CDH26: variants seen among roughly 807,000 people sequenced by gnomAD.
The protein encoded by CDH26 is cadherin-like protein 26.
A neutral mutation model predicts 90.3 loss-of-function variants in CDH26; 83 were observed. The ratio of observed to expected loss-of-function variants is 0.92; its 90% CI spans 0.77 to 1.10. CDH26 has a LOEUF of 1.10. CDH26 is among the 50% of genes least tolerant of loss of function. CDH26 has a pLI of 0.00. For missense variants in CDH26, 1,013 were observed against 1,037.6 expected (o/e 0.98, Z 0.33); for synonymous variants, 397 against 396.3 (o/e 1.00, Z -0.02).
chr20:59,967,931 TTC>T, intron 1 of CDH26, among the ~76,000 whole-genome samples: 1 of 132,736 alleles, frequency 7.5e-6, no homozygotes, highest in African/African-American at 3.2e-5. Context: ...TTCCTTTCCT[TTC>T]CCTTTCTTTC....
At chr20:59,978,094 A>G (rs575868389) in intron 4 of CDH26, among the ~76,000 whole-genome samples, 5 of 152,116 alleles carry the variant, frequency 3.3e-5, no homozygotes, top group South Asian at 2.1e-4. Flanking sequence ...TTTTCATTGT[A>G]TAATATTCTA....
intron 17 of CDH26, among the ~76,000 whole-genome samples, chr20:60,009,498 C>T (rs16983389): frequency 0.018 from 2,679 of 152,316 alleles, 98 homozygotes; most frequent in African/African-American, 0.06. Flanking sequence ...TGGACAGTAT[C>T]GCAGGTCCTG....
chr20:60,010,291 C>T (rs1329884023), intron 17 of CDH26, among the ~76,000 whole-genome samples: 1 of 152,146 alleles, frequency 6.6e-6, no homozygotes, highest in Non-Finnish European at 1.5e-5. Context: ...TCCAGGCCCT[C>T]CCCACCTCCC....
intron 16 of CDH26, among the ~76,000 whole-genome samples, chr20:60,006,393 G>A (rs933264733): frequency 2.0e-5 from 3 of 152,238 alleles, no homozygotes; most frequent in African/African-American, 7.2e-5. Context: ...GAGGGGCAGT[G>A]TAGTTGAGGG....
chr20:59,999,988 C>T (rs2061654785), intron 14 of CDH26, among the ~76,000 whole-genome samples: 1 of 152,130 alleles, frequency 6.6e-6, no homozygotes. Flanking sequence ...ACACTTTTTT[C>T]TTAAAATGGG....
chr20:59,986,640 C>T (rs1389888500), intron 7 of CDH26, among the ~76,000 whole-genome samples: 1 of 151,720 alleles, frequency 6.6e-6, no homozygotes, highest in Non-Finnish European at 1.5e-5. Context: ...CACACACACA[C>T]ACACACACAC....
At chr20:60,029,375 A>ATAGTCAACAACGTAGCACCTG (rs2146035188) in intron 7 of CDH26, among the ~76,000 whole-genome samples, 2 of 152,294 alleles carry the variant, frequency 1.3e-5, no homozygotes, top group East Asian at 1.9e-4. Context: ...CGTAGCATCT[A>ATAGTCAACAACGTAGCACCTG]TAGTCAACAA....
At chr20:60,028,490 C>T (rs1361195468) in intron 7 of CDH26, among the ~76,000 whole-genome samples, 1 of 152,162 alleles carries the variant, frequency 6.6e-6, no homozygotes, top group African/African-American at 2.4e-5. Flanking sequence ...AAAGCATTTA[C>T]GTGCCAGTCC....
intron 7 of CDH26, among the ~76,000 whole-genome samples, chr20:60,031,043 T>C (rs1812756): frequency 0.29 from 44,051 of 152,116 alleles, 6,568 homozygotes; most frequent in East Asian, 0.46. Context: ...TATTTCTTGA[T>C]GATATGCTAA....
chr20:59,992,343 A>G lies in CDH26; in HGVS notation c.1284-35A>G. Reference sequence around the variant, plus strand: ...TTTTATCTTTTAATGTAAGTTTTTAATTTTAAAAATTGCTGTCCGTTTTCC... The same window carrying G: ...TTTTATCTTTTAATGTAAGTTTTTAGTTTTAAAAATTGCTGTCCGTTTTCC... On this transcript the variant is annotated intron_variant, in intron 9 of 17. Coordinates refer to ENST00000348616, the MANE Select transcript of CDH26 (RefSeq NM_177980.4). The surrounding 1 kb of genome is among the most constrained non-coding windows in gnomAD (Gnocchi z 5.0). The G allele has an allele frequency of 6.3e-7, 1 of 1,589,306 alleles. No homozygotes were observed. Among genetic ancestry groups the G allele is most frequent in the Non-Finnish European group, 8.5e-7 (1 of 1,170,946 alleles).
chr20:60,021,863 C>CACACACACACACACACACACAT (rs1555903609), intron 7 of CDH26, among the ~76,000 whole-genome samples: 64 of 63,358 alleles, frequency 1.0e-3, no homozygotes, highest in African/African-American at 1.9e-3. Context: ...CACACACACA[C>CACACACACACACACACACACAT]ACACACACAC....
At chr20:59,959,410 A>ATT (rs369592815) in intron 1 of CDH26, among the ~76,000 whole-genome samples, 13 of 142,838 alleles carry the variant, frequency 9.1e-5, no homozygotes, top group South Asian at 4.5e-4. Context: ...AACACACACA[A>ATT]TTTTTTTTTT....
intron 9 of CDH26, among the ~76,000 whole-genome samples, chr20:59,989,743 T>A (rs1452114600): frequency 6.6e-6 from 1 of 152,220 alleles, no homozygotes; most frequent in African/African-American, 2.4e-5. Context: ...TCCTTTTGTA[T>A]TCTTTCCTTT....
chr20:59,968,984 T>A lies in CDH26; in HGVS notation c.87T>A (p.Ser29Arg). The A allele has an allele frequency of 6.3e-7, 1 of 1,579,882 alleles. No homozygotes were observed. Among genetic ancestry groups the A allele is most frequent in the Non-Finnish European group, 8.7e-7 (1 of 1,150,234 alleles). The change falls in exon 2 of 18, where the codon AGT becomes AGA. Residue 29 changes from serine (S) to arginine (R), a missense_variant. By Grantham distance (110) the Ser-to-Arg change is moderately radical. Coordinates refer to ENST00000348616, the MANE Select transcript of CDH26 (RefSeq NM_177980.4). The stretch of plus-strand genomic sequence containing the variant: ...TTTTTAAGGTCAGTATCATTGACAG[T>A]GTTCAACAGGAAACAGATGATCTTA... ...LWLLQVSIIDSVQQETDDLTK... is the reference protein window; with the variant it reads ...LWLLQVSIIDRVQQETDDLTK...
chr20:59,984,850 A>C, intron 6 of CDH26, 45 bp downstream of exon 6: 2 of 1,582,312 alleles, frequency 1.3e-6, no homozygotes, highest in South Asian at 2.3e-5. Context: ...TGTGTGGCCC[A>C]TCCTTGAGCC....
chr20:59,971,941 T>C lies in CDH26; in HGVS notation c.232-21T>C. On this transcript the variant is annotated intron_variant, in intron 3 of 17. Transcript: ENST00000348616. ...TATTCTCATCCTCCTTTTTTCTTCT[T>C]TCCATTTTTCCTCCTTCCAGCTGTT... 1.9e-6 allele frequency: 3 copies of C among 1,599,450 alleles called. No homozygotes were observed. The East Asian group carries it at 6.7e-5, about 36-fold the overall frequency.
intron 9 of CDH26, among the ~76,000 whole-genome samples, chr20:59,990,235 T>C (rs1379168569): frequency 6.6e-6 from 1 of 152,254 alleles, no homozygotes; most frequent in Non-Finnish European, 1.5e-5. Flanking sequence ...TATTGACACA[T>C]TTTTGTTTAC....
intron 3 of CDH26, among the ~76,000 whole-genome samples, chr20:59,971,216 A>G (rs866578062): frequency 6.6e-6 from 1 of 152,278 alleles, no homozygotes; most frequent in East Asian, 1.9e-4. Flanking sequence ...AAACATAAAG[A>G]GTACAGAAAG....
chr20:59,962,635 A>G (rs555260668), intron 1 of CDH26, among the ~76,000 whole-genome samples: 25 of 152,318 alleles, frequency 1.6e-4, no homozygotes, highest in African/African-American at 5.8e-4. Context: ...GGTCCCGTTC[A>G]CAGGTACTGG....
Sources: allele counts gnomAD v4.1 joint callset (sites outside exome capture counted in the v4.1 genomes callset), GRCh38; gene constraint gnomAD v4.1.1; non-coding constraint Gnocchi (gnomAD v3.1); transcripts MANE v1.5; gene names NCBI Gene and HGNC (gene_info 2026-07-23, HGNC 2026-07-21).